KLHL14: variants seen among roughly 807,000 people sequenced by gnomAD.
KLHL14 encodes kelch-like protein 14.
KLHL14 carries 22 observed loss-of-function variants against 64.3 expected under a neutral mutation model. That is an observed-to-expected ratio of 0.34 (90% CI 0.24 to 0.49). The LOEUF (loss-of-function observed/expected upper bound fraction) is 0.49, where lower values mean the gene tolerates loss of function less well. Ranked by LOEUF, KLHL14 falls within the 20% of genes least tolerant of loss-of-function variation. KLHL14 has a pLI of 0.99. For synonymous variants in KLHL14, 322 were observed against 333.4 expected, an observed-to-expected ratio of 0.97 and a Z score of 0.37; for missense variants, 661 against 789.0, an observed-to-expected ratio of 0.84 and a Z score of 1.94.
At chr18:32,719,473 A>G (rs972837005) in intron 3 of KLHL14, among the ~76,000 whole-genome samples, 1 of 152,182 alleles carries the variant, frequency 6.6e-6, no homozygotes, top group African/African-American at 2.4e-5. Flanking sequence ...GCATTTTGAG[A>G]CCTCACTATA....
chr18:32,718,360 C>T (rs894873805), intron 3 of KLHL14, among the ~76,000 whole-genome samples: 16 of 152,186 alleles, frequency 1.1e-4, no homozygotes, highest in Admixed American at 1.0e-3. Context: ...TATTCTCTTT[C>T]TCCTGGCACA....
At chr18:32,688,886 G>C (rs1331193340) in intron 4 of KLHL14, among the ~76,000 whole-genome samples, 4 of 152,218 alleles carry the variant, frequency 2.6e-5, no homozygotes, top group Non-Finnish European at 5.9e-5. Context: ...CAAGGTAAGA[G>C]CTGTGGTGGC....
chr18:32,726,548 C>T (rs964562737), intron 3 of KLHL14, among the ~76,000 whole-genome samples: 4 of 151,818 alleles, frequency 2.6e-5, no homozygotes, highest in Admixed American at 6.6e-5. Flanking sequence ...CACTTGAACC[C>T]GGGAGGCAGA....
chr18:32,688,717 C>T (rs747949110), intron 4 of KLHL14, among the ~76,000 whole-genome samples: 3 of 152,134 alleles, frequency 2.0e-5, no homozygotes, highest in Non-Finnish European at 4.4e-5. Context: ...TGGGCTGATG[C>T]AGGATTTTAT....
intron 4 of KLHL14, among the ~76,000 whole-genome samples, chr18:32,692,398 G>C (rs1267337407): frequency 1.3e-5 from 2 of 152,056 alleles, no homozygotes; most frequent in Admixed American, 1.3e-4. Context: ...CATAACATCC[G>C]AACCCACGGA....
chr18:32,704,956 A>G (rs1269854894), intron 3 of KLHL14, among the ~76,000 whole-genome samples: 2 of 152,170 alleles, frequency 1.3e-5, no homozygotes, highest in Admixed American at 6.5e-5. Context: ...GGAGGAAATG[A>G]CTAAAACTTC....
At chr18:32,688,935 TA>T (rs1163094404) in intron 4 of KLHL14, among the ~76,000 whole-genome samples, 1 of 152,154 alleles carries the variant, frequency 6.6e-6, no homozygotes, top group Non-Finnish European at 1.5e-5. Context: ...GGTTGAGTTT[TA>T]AATCTGTTGT....
rs869067364 is a variant in KLHL14 at position 32,693,377 on chromosome 18, TACAC to T, written c.1159+2082_1159+2085del. 7.1e-3 allele frequency among the ~76,000 whole-genome samples: 686 copies of T among 96,590 alleles called. 9 individuals carry two copies. Among genetic ancestry groups the T allele is most frequent in the African/African-American group, 0.032 (596 of 18,748 alleles). 63.4% of individuals were successfully genotyped at this position (96,590 alleles called of 152,430 possible). ...CTTCCAAAATTCTAAAAAGGGATCT[TACAC>T]ACACACACACACACACACACACACA... is the stretch of plus-strand genomic sequence containing the variant. On this transcript the variant is annotated intron_variant, in intron 4 of 8. Transcript: ENST00000359358.
intron 3 of KLHL14, among the ~76,000 whole-genome samples, chr18:32,703,417 G>T (rs551552151): frequency 6.6e-6 from 1 of 152,284 alleles, no homozygotes; most frequent in African/African-American, 2.4e-5. Flanking sequence ...AGAAGAAAGG[G>T]TGACTTTGGT....
chr18:32,701,307 A>C (rs1299460431), intron 3 of KLHL14, among the ~76,000 whole-genome samples: 1 of 152,170 alleles, frequency 6.6e-6, no homozygotes, highest in Non-Finnish European at 1.5e-5. Context: ...ACAGATAAAT[A>C]AATAACAAAT....
At chr18:32,713,476 G>A (rs562423087) in intron 3 of KLHL14, among the ~76,000 whole-genome samples, 2 of 152,170 alleles carry the variant, frequency 1.3e-5, no homozygotes, top group Admixed American at 6.5e-5. Context: ...TCTTTTAGGC[G>A]GTCATGGTGG....
chr18:32,772,228 C>T, intron 1 of KLHL14: 1 of 399,034 alleles, frequency 2.5e-6, no homozygotes. Context: ...TCCTGGATCG[C>T]CGGCTTCCTA....
At chr18:32,729,585 C>A (rs945537043) in intron 3 of KLHL14, among the ~76,000 whole-genome samples, 3 of 152,110 alleles carry the variant, frequency 2.0e-5, no homozygotes, top group Non-Finnish European at 4.4e-5. Flanking sequence ...GTCATAATAT[C>A]ATTGGTTTTA....
At position 32,734,884 on chromosome 18, in the gene KLHL14, C is replaced by CTGTGTG. The variant is rs34494954; in HGVS notation, c.1069+7038_1069+7043dup. ...TCTATCTGTCTCTAAAGATGTTACT[C>CTGTGTG]TGTGTGTGTGTGTGTGTGCGTGCAC... On this transcript the variant is annotated intron_variant, in intron 3 of 8. Coordinates refer to ENST00000359358, the MANE Select transcript of KLHL14 (RefSeq NM_020805.3). Among the ~76,000 whole-genome samples, 541 of 150,800 alleles carry CTGTGTG rather than the reference C, an allele frequency of 3.6e-3. 4 individuals are homozygous for CTGTGTG. The highest frequency in any genetic ancestry group is 0.013 in the African/African-American group (528 of 41,192).
At chr18:32,745,736 G>A (rs1384782500) in intron 2 of KLHL14, among the ~76,000 whole-genome samples, 1 of 152,104 alleles carries the variant, frequency 6.6e-6, no homozygotes, top group Admixed American at 6.5e-5. Context: ...TTTTTACAAT[G>A]TGCAATTATA....
intron 3 of KLHL14, among the ~76,000 whole-genome samples, chr18:32,729,583 A>G (rs577618273): frequency 6.6e-6 from 1 of 152,352 alleles, no homozygotes; most frequent in Admixed American, 6.5e-5. Context: ...TTGTCATAAT[A>G]TCATTGGTTT....
intron 4 of KLHL14, among the ~76,000 whole-genome samples, chr18:32,691,868 G>C (rs1430504493): frequency 6.6e-6 from 1 of 152,144 alleles, no homozygotes; most frequent in Non-Finnish European, 1.5e-5. Context: ...CCTGTCACCA[G>C]ACACCATTGT....
intron 4 of KLHL14, among the ~76,000 whole-genome samples, chr18:32,690,358 T>C (rs76970791): frequency 0.029 from 4,390 of 152,124 alleles, 171 homozygotes; most frequent in African/African-American, 0.083. Flanking sequence ...CCTCCAATAA[T>C]ATAAAGTATG....
chr18:32,688,019 A>G (rs1427194196), intron 4 of KLHL14, among the ~76,000 whole-genome samples: 2 of 152,218 alleles, frequency 1.3e-5, no homozygotes, highest in East Asian at 3.8e-4. Flanking sequence ...TAACCAGCTT[A>G]TCCTCTCTGT....
Sources: gnomAD v4.1 joint callset for allele counts (sites outside exome capture counted in the v4.1 genomes callset) on GRCh38, gnomAD v4.1.1 for gene constraint, MANE v1.5 for transcripts, NCBI Gene and HGNC (gene_info 2026-07-23, HGNC 2026-07-21) for gene names.